Variants in KCNH5 observed in about 807,000 individuals in gnomAD.
KCNH5 encodes potassium voltage-gated channel subfamily H member 5.
In KCNH5, 46 loss-of-function variants were observed where a neutral mutation model predicts 96.1. That is an observed-to-expected ratio of 0.48 (90% CI 0.38 to 0.61). KCNH5 has a LOEUF of 0.61. KCNH5 is among the 20% of genes least tolerant of loss of function. The pLI, the probability that KCNH5 is intolerant of heterozygous loss-of-function variation, is 0.00. For missense variants in KCNH5, 907 were observed against 1,225.8 expected (o/e 0.74, Z 3.88); for synonymous variants, 439 against 449.8 (o/e 0.98, Z 0.30).
intron 10 of KCNH5, among the ~76,000 whole-genome samples, chr14:62,758,641 G>A (rs776199867): frequency 3.3e-5 from 5 of 152,264 alleles, no homozygotes; most frequent in South Asian, 2.1e-4. Context: ...AAGTGCTGGC[G>A]TAGAAAGAGC....
chr14:62,737,689 T>C (rs1885188023), intron 10 of KCNH5, among the ~76,000 whole-genome samples: 1 of 152,136 alleles, frequency 6.6e-6, no homozygotes, highest in South Asian at 2.1e-4. Flanking sequence ...TATTCTTAAT[T>C]ATTGAGAAGT....
chr14:62,951,481 C>G (rs1465267986), intron 6 of KCNH5, among the ~76,000 whole-genome samples: 1 of 152,168 alleles, frequency 6.6e-6, no homozygotes, highest in African/African-American at 2.4e-5. Context: ...CAGTCATTAC[C>G]TGCAAATCCA....
chr14:62,849,937 CAG>C (rs1284940537), intron 7 of KCNH5, 85 bp from the exon 8 acceptor site: 2 of 1,091,128 alleles, frequency 1.8e-6, no homozygotes, highest in African/African-American at 3.1e-5. Flanking sequence ...AATAATTTGA[CAG>C]AGACATCCTT....
In KCNH5 at chr14:62,727,380, A is replaced by T. The variant is rs191839999; in HGVS notation, c.2020-18925T>A. 1.7e-3 allele frequency among the ~76,000 whole-genome samples: 254 copies of T among 152,154 alleles called. 1 individual carries two copies. Among genetic ancestry groups the T allele is most frequent in the African/African-American group, 6.0e-3 (249 of 41,478 alleles). ...ACTCTGTCTCAAAAAAAAAAGAAAA[A>T]ATTGAGTAGGTAAAGCTTGCATAGG... On this transcript the variant is annotated intron_variant, in intron 10 of 10. Coordinates refer to ENST00000322893, the MANE Select transcript of KCNH5 (RefSeq NM_139318.5).
intron 7 of KCNH5, among the ~76,000 whole-genome samples, chr14:62,946,424 C>T (rs1010239927): frequency 6.6e-6 from 1 of 152,056 alleles, no homozygotes; most frequent in Non-Finnish European, 1.5e-5. Context: ...TAATCACATT[C>T]CTGGGCACTT....
chr14:62,944,739 C>A (rs1889854006), intron 7 of KCNH5, among the ~76,000 whole-genome samples: 1 of 152,124 alleles, frequency 6.6e-6, no homozygotes, highest in Non-Finnish European at 1.5e-5. Context: ...TTATAATATT[C>A]TCAGGTTTTT....
intron 10 of KCNH5, among the ~76,000 whole-genome samples, chr14:62,762,439 G>T (rs1207497584): frequency 6.6e-6 from 1 of 152,126 alleles, no homozygotes; most frequent in Admixed American, 6.5e-5. Context: ...GAGAGTTTCA[G>T]CAGACAAGCC....
Position 62,703,921 on chromosome 14 carries a change from A to G in KCNH5, c.*3587T>C, listed in dbSNP as rs1360210828. 6.6e-6 allele frequency: 1 copy of G among 151,920 alleles called. No homozygotes were observed. Among genetic ancestry groups the G allele is most frequent in the Non-Finnish European group, 1.5e-5 (1 of 67,814 alleles). 9.4% of individuals were successfully genotyped at this position (151,920 alleles called of 1,614,324 possible). A position where few individuals can be genotyped will look rare whatever the true frequency, so the allele number is the denominator to read the frequency against. ...ATTTCACAAATATCTGCCACTGCACACTTCAAAACAGTCACTGCTCTGAAG... is the reference window on the plus strand; with the variant it reads ...ATTTCACAAATATCTGCCACTGCACGCTTCAAAACAGTCACTGCTCTGAAG... On this transcript the variant is annotated 3_prime_UTR_variant, in exon 11 of 11. Transcript: ENST00000322893.
intron 8 of KCNH5, among the ~76,000 whole-genome samples, chr14:62,846,953 A>G (rs1595652752): frequency 6.7e-6 from 1 of 148,742 alleles, no homozygotes; most frequent in East Asian, 2.0e-4. Context: ...GGCGCCCGCC[A>G]GCACGCCCGG....
At chr14:62,823,895 T>G (rs1237658408) in intron 8 of KCNH5, among the ~76,000 whole-genome samples, 1 of 152,060 alleles carries the variant, frequency 6.6e-6, no homozygotes, top group Non-Finnish European at 1.5e-5. Context: ...TCCTCTTATT[T>G]GTTATTTAAA....
rs772402494 is a variant in KCNH5, at chr14:62,849,885, A to G, written c.1370-33T>C. ...AGAAGAAATGATAAAAATAAAACAA[A>G]TATCTCATGTGAAAAAAATACAAAT... On this transcript the variant is annotated intron_variant, in intron 7 of 10. Transcript: ENST00000322893. 6 of 1,491,720 alleles carry G rather than the reference A, an allele frequency of 4.0e-6. No homozygotes were observed. The South Asian group carries it at 5.7e-5, about 14-fold the overall frequency. 92.4% of individuals were successfully genotyped at this position (1,491,720 alleles called of 1,614,324 possible).
Position 62,953,919 on chromosome 14 carries a change from C to T in KCNH5, c.943-3360G>A, listed in dbSNP as rs565608205. On this transcript the variant is annotated intron_variant, in intron 6 of 10. Coordinates refer to ENST00000322893, the MANE Select transcript of KCNH5 (RefSeq NM_139318.5). ...AAAGCACAACTGTCTAACCATGTCC[C>T]TCTCTAATATAAACTCTTTTCATGT... Among the ~76,000 whole-genome samples the T allele has an allele frequency of 2.3e-4, 35 of 152,242 alleles. No homozygotes were observed. The South Asian group carries it at 7.3e-3, about 32-fold the overall frequency.
At chr14:63,039,271 A>G (rs1331558193) in intron 1 of KCNH5, among the ~76,000 whole-genome samples, 1 of 152,022 alleles carries the variant, frequency 6.6e-6, no homozygotes, top group Non-Finnish European at 1.5e-5. Context: ...TCTACTCCCA[A>G]TCCTGTCTTT....
In KCNH5 at chr14:63,045,305, C is replaced by CGCG. The variant is rs568275517; in HGVS notation, c.-122_-120dup. ...AAGATTGAGCCGAAAGAAGAGGGGG[C>CGCG]GCGGCGGCGGCGACGGGGTCCCCTG... On this transcript the variant is annotated 5_prime_UTR_variant, in exon 1 of 11. Coordinates refer to ENST00000322893, the MANE Select transcript of KCNH5 (RefSeq NM_139318.5). The CGCG allele has an allele frequency of 3.7e-4, 307 of 826,036 alleles. No individual in the cohort carries two copies. In the African/African-American group the frequency reaches 4.1e-3, roughly 11 times the overall value. 51.2% of individuals were successfully genotyped at this position (826,036 alleles called of 1,614,324 possible). A position where few individuals can be genotyped will look rare whatever the true frequency, so the allele number is the denominator to read the frequency against.
intron 10 of KCNH5, among the ~76,000 whole-genome samples, chr14:62,736,017 G>A (rs1456290374): frequency 6.6e-6 from 1 of 152,166 alleles, no homozygotes; most frequent in African/African-American, 2.4e-5. Context: ...AGAGACTATG[G>A]CCCTGCTGAA....
chr14:62,931,725 A>G (rs1286260483), intron 7 of KCNH5, among the ~76,000 whole-genome samples: 8 of 152,168 alleles, frequency 5.3e-5, no homozygotes, highest in Non-Finnish European at 4.4e-5. Flanking sequence ...GGCTAAAACT[A>G]GAGGATTTAT....
chr14:62,800,305 T>C (rs969891691), intron 9 of KCNH5, among the ~76,000 whole-genome samples: 47 of 152,310 alleles, frequency 3.1e-4, no homozygotes, highest in African/African-American at 1.1e-3. Flanking sequence ...TATGATGAGA[T>C]GGGTGCAATA....
intron 7 of KCNH5, among the ~76,000 whole-genome samples, chr14:62,860,725 T>G (rs976513544): frequency 1.3e-5 from 2 of 152,182 alleles, no homozygotes; most frequent in African/African-American, 4.8e-5. Context: ...CCTACCCCAT[T>G]GCTTAAGGCA....
chr14:62,765,792 C>A (rs1885847069), intron 10 of KCNH5, among the ~76,000 whole-genome samples: 1 of 152,102 alleles, frequency 6.6e-6, no homozygotes. Flanking sequence ...GCAAAAATTT[C>A]TTGAGCAATA....
Sources: gnomAD v4.1 joint callset for allele counts (sites outside exome capture counted in the v4.1 genomes callset) on GRCh38, gnomAD v4.1.1 for gene constraint, MANE v1.5 for transcripts, NCBI Gene and HGNC (gene_info 2026-07-23, HGNC 2026-07-21) for gene names.